The following ZNF502 variants were observed in gnomAD, a reference collection of about 807,000 sequenced individuals.
ZNF502 encodes the protein zinc finger protein 502.
In ZNF502, 29 loss-of-function variants were observed where a neutral mutation model predicts 43.6. The ratio of observed to expected loss-of-function variants is 0.67; its 90% confidence interval spans 0.50 to 0.91. ZNF502 has a LOEUF of 0.91. Among genes scored for constraint, ZNF502 ranks in the 40% least tolerant of loss-of-function variants. ZNF502 has a pLI of 0.00. For missense variants in ZNF502, 591 were observed against 647.2 expected (o/e 0.91, Z 0.94); for synonymous variants, 171 against 207.4 (o/e 0.82, Z 1.51).
intron 1 of ZNF502, among the ~76,000 whole-genome samples, chr3:44,719,336 G>A (rs1029044155): frequency 6.6e-6 from 1 of 152,198 alleles, no homozygotes; most frequent in Admixed American, 6.5e-5. Context: ...AAGTCCACAA[G>A]ACCAAGCTTA....
chr3:44,718,970 A>G (rs912833005), intron 1 of ZNF502, among the ~76,000 whole-genome samples: 1 of 125,358 alleles, frequency 8.0e-6, no homozygotes, highest in African/African-American at 3.1e-5. Flanking sequence ...AGGTAGGATC[A>G]TCTTCTTTTT....
rs1337069888 is a variant in ZNF502 at position 44,722,675 on chromosome 3, G to C, written c.*223G>C. ...GGTAGAAAGAAATTCCTGCTTTTCAGATAAAGCCTACACATTGCCACTGTC... is the reference window on the plus strand; with the variant it reads ...GGTAGAAAGAAATTCCTGCTTTTCACATAAAGCCTACACATTGCCACTGTC... On this transcript the variant is annotated 3_prime_UTR_variant, in exon 3 of 3. Transcript: ENST00000436624. 9 of 539,850 alleles carry C rather than the reference G, an allele frequency of 1.7e-5. No homozygotes were observed. The highest frequency in any genetic ancestry group is 2.6e-5 in the Non-Finnish European group (8 of 312,202). 33.4% of individuals were successfully genotyped at this position (539,850 alleles called of 1,614,324 possible). A position where few individuals can be genotyped will look rare whatever the true frequency, so the allele number is the denominator to read the frequency against.
At chr3:44,714,030 C>G (rs1704086011) in intron 1 of ZNF502, among the ~76,000 whole-genome samples, 3 of 152,042 alleles carry the variant, frequency 2.0e-5, no homozygotes, top group African/African-American at 7.2e-5. Context: ...AAATGCAGAC[C>G]AAGAAGGGCT....
Position 44,721,722 on chromosome 3 carries a change from C to G in ZNF502, c.905C>G (p.Ser302Cys). The G allele has an allele frequency of 6.2e-7, 1 of 1,610,676 alleles. No individual in the cohort carries two copies. Among genetic ancestry groups the G allele is most frequent in the Non-Finnish European group, 8.5e-7 (1 of 1,178,090 alleles). Residue 302 changes from serine (S) to cysteine (C), a missense_variant, in exon 3 of 3, where the codon TCT becomes TGT. Coordinates refer to ENST00000436624, the MANE Select transcript of ZNF502 (RefSeq NM_001134442.3). ...EKPYICSECGSSFRKHSNLTQ... is the reference protein window; with the variant it reads ...EKPYICSECGCSFRKHSNLTQ... ...CCTTACATATGCAGTGAATGTGGCTCTTCTTTTCGAAAACACTCAAATCTT... is the reference window on the plus strand; with the variant it reads ...CCTTACATATGCAGTGAATGTGGCTGTTCTTTTCGAAAACACTCAAATCTT...
intron 1 of ZNF502, among the ~76,000 whole-genome samples, chr3:44,715,398 C>A (rs1255260274): frequency 6.6e-6 from 1 of 152,122 alleles, no homozygotes; most frequent in Non-Finnish European, 1.5e-5. Context: ...ATAGTGTGAT[C>A]TTTGTACATA....
chr3:44,720,420 GTCTCTTATA>G (rs1704281512), intron 2 of ZNF502, 104 bp downstream of exon 2: 4 of 1,172,192 alleles, frequency 3.4e-6, no homozygotes, highest in Non-Finnish European at 4.8e-6. Flanking sequence ...TAAAATAACT[GTCTCTTATA>G]GGGATGTTGG....
Position 44,721,375 on chromosome 3 carries a change from G to A in ZNF502, c.558G>A (p.Glu186=), listed in dbSNP as rs61740975. 14,715 of 1,614,076 alleles carry A rather than the reference G, an allele frequency of 9.1e-3. 141 individuals are homozygous for A. Among genetic ancestry groups the A allele is most frequent in the African/African-American group, 0.038 (2,877 of 75,034 alleles). ...THTGERPYTC[E]ECGKAFSRSS... The stretch of plus-strand genomic sequence containing the variant: ...CTGGAGAGAGACCCTACACATGTGA[G>A]GAATGTGGGAAAGCCTTTAGTCGTA... Residue 186 remains glutamate (E), a synonymous_variant, in exon 3 of 3, where the codon GAG becomes GAA. Transcript: ENST00000436624.
At position 44,722,223 on chromosome 3, in the gene ZNF502, G is replaced by A; in HGVS notation, c.1406G>A (p.Gly469Glu). The A allele has an allele frequency of 1.2e-6, 2 of 1,614,134 alleles. No homozygotes were observed. Among genetic ancestry groups the A allele is most frequent in the Non-Finnish European group, 1.7e-6 (2 of 1,180,012 alleles). Residue 469 changes from glycine to glutamate, a missense_variant, in exon 3 of 3, where the codon GGG becomes GAG. Physicochemically the swap from Gly to Glu is moderately conservative, Grantham distance 98 (BLOSUM62 -2). Coordinates refer to ENST00000436624, the MANE Select transcript of ZNF502 (RefSeq NM_001134442.3). ...AAGCCCTATAAATGTAAAGAATGTG[G>A]GAAAGCCTTTGCTCATAGCTCATCT... ...GEKPYKCKEC[G>E]KAFAHSSSLT... is the part of the protein sequence containing the mutation.
intron 1 of ZNF502, among the ~76,000 whole-genome samples, chr3:44,719,141 T>G (rs945526284): frequency 2.6e-5 from 4 of 152,134 alleles, no homozygotes; most frequent in Non-Finnish European, 5.9e-5. Flanking sequence ...GCCCAACTAA[T>G]TTTTGTATTC....
rs10626737 is a variant in ZNF502, at chr3:44,722,977, C to CAAAAA, written c.*541_*545dup. On this transcript the variant is annotated 3_prime_UTR_variant, in exon 3 of 3. Transcript: ENST00000436624. ...AAAGGAGACAGAAACAAGTAAGAGC[C>CAAAAA]AAAAAAAAAAAAAAAAAAAATCCAT... 1 of 90,214 alleles carries CAAAAA rather than the reference C, an allele frequency of 1.1e-5. No homozygotes were observed. The highest frequency in any genetic ancestry group is 4.6e-5 in the African/African-American group (1 of 21,850). The allele number at this position is 90,214 out of a possible 1,614,324, so 5.6% of individuals were successfully genotyped here. A position where few individuals can be genotyped will look rare whatever the true frequency, so the allele number is the denominator to read the frequency against.
chr3:44,722,461 T>G lies in ZNF502; in HGVS notation c.*9T>G. The G allele has an allele frequency of 6.2e-7, 1 of 1,601,742 alleles. No homozygotes were observed. On this transcript the variant is annotated 3_prime_UTR_variant, in exon 3 of 3. Transcript: ENST00000436624. ...TTCACAGTGGTGACTAATGCTGCCATTTAGGTTATGACAGTTTCTCTAGCG... is the reference window on the plus strand; with the variant it reads ...TTCACAGTGGTGACTAATGCTGCCAGTTAGGTTATGACAGTTTCTCTAGCG...
intron 1 of ZNF502, among the ~76,000 whole-genome samples, chr3:44,717,450 C>T (rs147222606): frequency 3.8e-3 from 457 of 120,922 alleles, no homozygotes; most frequent in Middle Eastern, 8.3e-3. Context: ...TCGCTCTTGT[C>T]GCCCAGGCTG....
At chr3:44,716,378 C>T (rs1291077281) in intron 1 of ZNF502, among the ~76,000 whole-genome samples, 4 of 152,012 alleles carry the variant, frequency 2.6e-5, no homozygotes, top group Admixed American at 6.6e-5. Context: ...TTAGTAGAGA[C>T]GTGGTTTCAC....
intron 1 of ZNF502, chr3:44,714,535 A>G (rs559290020): frequency 2.0e-5 from 3 of 152,144 alleles, no homozygotes; most frequent in Non-Finnish European, 4.4e-5. Flanking sequence ...GACAGAGACT[A>G]TATTTTCCAT....
Position 44,722,479 on chromosome 3 carries a change from C to A in ZNF502, c.*27C>A, listed in dbSNP as rs2125868727. 1.3e-6 allele frequency: 2 copies of A among 1,580,152 alleles called. No individual in the cohort carries two copies. The highest frequency in any genetic ancestry group is 4.5e-5 in the East Asian group (2 of 44,642). On this transcript the variant is annotated 3_prime_UTR_variant, in exon 3 of 3. Transcript: ENST00000436624. The stretch of plus-strand genomic sequence containing the variant: ...GCTGCCATTTAGGTTATGACAGTTT[C>A]TCTAGCGAGGATGACTACGAATCTG...
chr3:44,718,084 TCTC>T (rs1704199996), intron 1 of ZNF502, among the ~76,000 whole-genome samples: 1 of 152,222 alleles, frequency 6.6e-6, no homozygotes, highest in Non-Finnish European at 1.5e-5. Flanking sequence ...GCCACACCTC[TCTC>T]CTCTCTTTCA....
chr3:44,722,167 C>T lies in ZNF502; in HGVS notation c.1350C>T (p.Leu450=). 1 of 1,614,162 alleles carries T rather than the reference C, an allele frequency of 6.2e-7. No homozygotes were observed. The highest frequency in any genetic ancestry group is 8.5e-7 in the Non-Finnish European group (1 of 1,180,020). ...CGKGFNQNTC[L]TQHMRIHTGE... ...AGGGCTTTAATCAGAACACCTGCCTCACTCAGCATATGAGAATTCATACTG... is the reference window on the plus strand; with the variant it reads ...AGGGCTTTAATCAGAACACCTGCCTTACTCAGCATATGAGAATTCATACTG... The change falls in exon 3 of 3, where the codon CTC becomes CTT. Residue 450 remains leucine, a synonymous_variant. Transcript: ENST00000436624.
intron 1 of ZNF502, among the ~76,000 whole-genome samples, chr3:44,717,741 C>T (rs1313834677): frequency 6.6e-6 from 1 of 152,106 alleles, no homozygotes; most frequent in African/African-American, 2.4e-5. Context: ...TCACTGCAGC[C>T]TCGAACTCCT....
Position 44,720,253 on chromosome 3 carries a change from G to A in ZNF502, c.-9G>A, listed in dbSNP as rs777955950. 3.7e-6 allele frequency: 6 copies of A among 1,614,070 alleles called. No homozygotes were observed. Among genetic ancestry groups the A allele is most frequent in the South Asian group, 1.1e-5 (1 of 91,070 alleles). ...TGTTTTCCAATCAAAGCGAAGAGAC[G>A]ATCTGTGGATGTTGAATATGCAAGG... On this transcript the variant is annotated 5_prime_UTR_variant, in exon 2 of 3. Transcript: ENST00000436624.
Sources: gnomAD v4.1 joint callset for allele counts (sites outside exome capture counted in the v4.1 genomes callset) on GRCh38, gnomAD v4.1.1 for gene constraint, MANE v1.5 for transcripts, NCBI Gene and HGNC (gene_info 2026-07-23, HGNC 2026-07-21) for gene names.